LUZP2: variants seen among roughly 807,000 people sequenced by gnomAD.
LUZP2 encodes leucine zipper protein 2.
In LUZP2, 52 loss-of-function variants were observed where a neutral mutation model predicts 51.6. The observed-to-expected ratio is 1.01, with a 90% CI of 0.81 to 1.27. The LOEUF (loss-of-function observed/expected upper bound fraction) is 1.27. Among genes scored for constraint, LUZP2 ranks in the 50% most tolerant of loss-of-function variants. LUZP2 has a pLI of 0.00. For missense variants in LUZP2, 436 were observed against 395.4 expected (o/e 1.10, Z -0.87); for synonymous variants, 154 against 137.3 (o/e 1.12, Z -0.85).
At chr11:24,917,477 G>A (rs1373253214) in intron 7 of LUZP2, among the ~76,000 whole-genome samples, 1 of 151,974 alleles carries the variant, frequency 6.6e-6, no homozygotes, top group Non-Finnish European at 1.5e-5. Flanking sequence ...GGTCTAACAT[G>A]TAAGTCTTTA....
chr11:24,769,129 C>T (rs1860304293), intron 5 of LUZP2, among the ~76,000 whole-genome samples: 1 of 152,084 alleles, frequency 6.6e-6, no homozygotes, highest in African/African-American at 2.4e-5. Flanking sequence ...TGAAATTAGC[C>T]AAGCACAGAA....
intron 1 of LUZP2, among the ~76,000 whole-genome samples, chr11:24,714,513 G>A (rs1043207425): frequency 1.3e-5 from 2 of 151,916 alleles, no homozygotes; most frequent in African/African-American, 4.8e-5. Context: ...TGTTTATTCT[G>A]CCCATAATTA....
In LUZP2 at chr11:24,983,239, A is replaced by G; in HGVS notation, c.711A>G (p.Leu237=). ...TCACATCAAATCCAACTCGGATGTTACTCCCACCCAGGAATATTGCCTCTA... is the reference window on the plus strand; with the variant it reads ...TCACATCAAATCCAACTCGGATGTTGCTCCCACCCAGGAATATTGCCTCTA... The part of the protein sequence containing the change: ...SLITSNPTRM[L]LPPRNIASKL... The change falls in exon 9 of 12, where the codon TTA becomes TTG. Residue 237 remains leucine, a synonymous_variant. Transcript: ENST00000336930. 1 of 1,612,116 alleles carries G rather than the reference A, an allele frequency of 6.2e-7. No homozygotes were observed. The highest frequency in any genetic ancestry group is 8.5e-7 in the Non-Finnish European group (1 of 1,178,820).
intron 5 of LUZP2, among the ~76,000 whole-genome samples, chr11:24,871,851 C>T (rs1220181684): frequency 6.6e-6 from 1 of 152,050 alleles, no homozygotes; most frequent in Non-Finnish European, 1.5e-5. Flanking sequence ...ATATGTACAA[C>T]ATGCTATGCA....
chr11:24,815,793 T>C (rs978760757), intron 5 of LUZP2, among the ~76,000 whole-genome samples: 18 of 152,182 alleles, frequency 1.2e-4, no homozygotes, highest in African/African-American at 4.3e-4. Flanking sequence ...CTTGTCAAAA[T>C]GTCCCTTATA....
intron 7 of LUZP2, among the ~76,000 whole-genome samples, chr11:24,945,652 C>A (rs561852513): frequency 1.3e-4 from 20 of 151,874 alleles, no homozygotes; most frequent in Admixed American, 9.2e-4. Flanking sequence ...TCTATATCTT[C>A]AGTCTTATCA....
chr11:24,825,640 A>G (rs1850502301), intron 5 of LUZP2, among the ~76,000 whole-genome samples: 2 of 152,192 alleles, frequency 1.3e-5, no homozygotes, highest in Non-Finnish European at 2.9e-5. Flanking sequence ...AGAATATTTA[A>G]GAAAAACTAT....
intron 9 of LUZP2, among the ~76,000 whole-genome samples, chr11:24,997,687 C>A (rs1047676695): frequency 1.3e-5 from 2 of 152,114 alleles, no homozygotes; most frequent in African/African-American, 4.8e-5. Flanking sequence ...GACATGAAGT[C>A]CTTGCCCATG....
At chr11:24,688,506 T>C (rs1241690683) in intron 1 of LUZP2, among the ~76,000 whole-genome samples, 1 of 152,178 alleles carries the variant, frequency 6.6e-6, no homozygotes, top group African/African-American at 2.4e-5. Flanking sequence ...CTTTGCATTA[T>C]AATTGATTTT....
At chr11:24,781,506 T>C (rs1441448783) in intron 5 of LUZP2, among the ~76,000 whole-genome samples, 1 of 151,916 alleles carries the variant, frequency 6.6e-6, no homozygotes, top group Non-Finnish European at 1.5e-5. Flanking sequence ...TGTCTGAAAG[T>C]TGCAGAAGAC....
intron 9 of LUZP2, among the ~76,000 whole-genome samples, chr11:25,045,210 T>C (rs901307576): frequency 6.6e-6 from 1 of 151,422 alleles, no homozygotes; most frequent in African/African-American, 2.4e-5. Context: ...AGTAGAATAA[T>C]AATAAAAGAA....
intron 1 of LUZP2, among the ~76,000 whole-genome samples, chr11:24,508,007 T>G (rs12417070): frequency 0.051 from 7,713 of 151,216 alleles, 196 homozygotes; most frequent in Middle Eastern, 0.098. Flanking sequence ...ATAATATAAA[T>G]GAATAGTACT....
intron 7 of LUZP2, among the ~76,000 whole-genome samples, chr11:24,962,435 C>G (rs1320610304): frequency 6.6e-6 from 1 of 152,156 alleles, no homozygotes; most frequent in Non-Finnish European, 1.5e-5. Flanking sequence ...TTCACATAGT[C>G]CCATATTTCT....
At chr11:24,609,023 G>C (rs1332429361) in intron 1 of LUZP2, among the ~76,000 whole-genome samples, 1 of 152,024 alleles carries the variant, frequency 6.6e-6, no homozygotes, top group Non-Finnish European at 1.5e-5. Flanking sequence ...TTCTGAAATG[G>C]TAACGTAACA....
At chr11:24,703,351 G>T (rs571811295) in intron 1 of LUZP2, among the ~76,000 whole-genome samples, 2 of 152,128 alleles carry the variant, frequency 1.3e-5, no homozygotes, top group Non-Finnish European at 2.9e-5. Context: ...ACTTCTGAAG[G>T]TTATTTCAGA....
intron 1 of LUZP2, among the ~76,000 whole-genome samples, chr11:24,512,891 A>G (rs569291358): frequency 6.6e-6 from 1 of 151,954 alleles, no homozygotes; most frequent in Admixed American, 6.6e-5. Context: ...CTGGGACTGC[A>G]GGCACATGCT....
At chr11:24,543,085 C>T (rs546587145) in intron 1 of LUZP2, among the ~76,000 whole-genome samples, 18 of 151,668 alleles carry the variant, frequency 1.2e-4, no homozygotes, top group African/African-American at 3.4e-4. Flanking sequence ...ATTAAATATT[C>T]GGGGAGATTT....
At chr11:24,657,244 T>G (rs1416766934) in intron 1 of LUZP2, among the ~76,000 whole-genome samples, 1 of 152,162 alleles carries the variant, frequency 6.6e-6, no homozygotes, top group African/African-American at 2.4e-5. Flanking sequence ...TTAAGACATA[T>G]TTTGAAGGGA....
chr11:24,711,713 A>G lies in LUZP2; in HGVS notation c.63-17456A>G, dbSNP rs77912633. On this transcript the variant is annotated intron_variant, in intron 1 of 11. Transcript: ENST00000336930. The stretch of plus-strand genomic sequence containing the variant: ...ACATACAACACATAATTTTATATAA[A>G]GGCAACATAGTTTTTTCCCTAATTT... 6.1e-3 allele frequency among the ~76,000 whole-genome samples: 933 copies of G among 152,250 alleles called. 10 individuals are homozygous for G. Among genetic ancestry groups the G allele is most frequent in the African/African-American group, 0.02 (829 of 41,556 alleles).
Sources: gnomAD v4.1 joint callset for allele counts (sites outside exome capture counted in the v4.1 genomes callset) on GRCh38, gnomAD v4.1.1 for gene constraint, MANE v1.5 for transcripts, NCBI Gene and HGNC (gene_info 2026-07-23, HGNC 2026-07-21) for gene names.